ITGB8: variants seen among roughly 807,000 people sequenced by gnomAD.
ITGB8 encodes integrin subunit beta 8.
A neutral mutation model predicts 89.5 loss-of-function variants in ITGB8; 30 were observed. The observed-to-expected ratio is 0.34, with a 90% CI of 0.25 to 0.45. ITGB8 has a LOEUF of 0.45. ITGB8 is among the 20% of genes least tolerant of loss of function. The pLI, the probability that ITGB8 is intolerant of heterozygous loss-of-function variation, is 1.00. For missense variants in ITGB8, 836 were observed against 933.3 expected (o/e 0.90, Z 1.36); for synonymous variants, 335 against 320.4 (o/e 1.05, Z -0.49).
chr7:20,365,531 G>A (rs1785660839), intron 2 of ITGB8: 2 of 152,240 alleles, frequency 1.3e-5, no homozygotes, highest in Non-Finnish European at 2.9e-5. Context: ...ACAGTCTTGT[G>A]AGGATGAAAT....
At chr7:20,388,623 C>T (rs1315415919) in intron 6 of ITGB8, among the ~76,000 whole-genome samples, 4 of 151,836 alleles carry the variant, frequency 2.6e-5, no homozygotes, top group African/African-American at 7.3e-5. Flanking sequence ...CTTGAAAATT[C>T]GACTAATCTT....
In ITGB8 at chr7:20,331,848, C is replaced by T. The variant is rs1356635027; in HGVS notation, c.42C>T (p.Val14=). The stretch of plus-strand genomic sequence containing the variant: ...TGGCTTTTTTTACCGCTGCATTTGT[C>T]TGCCTGCAAAACGACCGGCGAGGTC... The part of the protein sequence containing the change: ...SALAFFTAAF[V]CLQNDRRGPA... Residue 14 remains valine, a synonymous_variant, in exon 1 of 14, where the codon GTC becomes GTT. Transcript: ENST00000222573. 1 of 1,613,730 alleles carries T rather than the reference C, an allele frequency of 6.2e-7. No individual in the cohort carries two copies. The highest frequency in any genetic ancestry group is 8.5e-7 in the Non-Finnish European group (1 of 1,180,046).
chr7:20,341,912 T>C (rs1784769957), intron 1 of ITGB8, among the ~76,000 whole-genome samples: 1 of 152,036 alleles, frequency 6.6e-6, no homozygotes, highest in Admixed American at 6.5e-5. Flanking sequence ...AAAGATGTGT[T>C]ACTTCTGACT....
chr7:20,398,295 T>C (rs1175978896), intron 8 of ITGB8, among the ~76,000 whole-genome samples: 1 of 152,240 alleles, frequency 6.6e-6, no homozygotes, highest in African/African-American at 2.4e-5. Flanking sequence ...GAGAGCCTTA[T>C]AGAACTATAT....
chr7:20,381,124 T>A (rs1786362559), intron 5 of ITGB8: 2 of 242,562 alleles, frequency 8.2e-6, no homozygotes, highest in African/African-American at 4.6e-5. Flanking sequence ...AAGGAGGAAC[T>A]AGAAGTAGAC....
chr7:20,413,076 TG>T lies in ITGB8; in HGVS notation c.*3083del, dbSNP rs201363739. 6.6e-6 allele frequency: 1 copy of T among 152,184 alleles called. No homozygotes were observed. Among genetic ancestry groups the T allele is most frequent in the East Asian group, 1.9e-4 (1 of 5,204 alleles). 9.4% of individuals were successfully genotyped at this position (152,184 alleles called of 1,614,324 possible). Reference sequence around the variant, plus strand: ...TGCTTTGTTATGCATTTTATTTCTCTGGGGACACCATTGCACTGCAGTGCAC... The same window carrying T: ...TGCTTTGTTATGCATTTTATTTCTCTGGGACACCATTGCACTGCAGTGCAC... On this transcript the variant is annotated 3_prime_UTR_variant, in exon 14 of 14. Transcript: ENST00000222573.
At chr7:20,394,087 A>C (rs1334778457) in intron 7 of ITGB8, among the ~76,000 whole-genome samples, 1 of 152,216 alleles carries the variant, frequency 6.6e-6, no homozygotes, top group East Asian at 1.9e-4. Flanking sequence ...TAAATGATAC[A>C]TTTTTCCTTA....
In ITGB8 at chr7:20,415,312, G is replaced by A. The variant is rs969671765; in HGVS notation, c.*5315G>A. 1.4e-4 allele frequency: 21 copies of A among 151,752 alleles called. No individual in the cohort carries two copies. The highest frequency in any genetic ancestry group is 5.1e-4 in the African/African-American group (21 of 41,476). The allele number at this position is 151,752 out of a possible 1,614,324, so 9.4% of individuals were successfully genotyped here. On this transcript the variant is annotated 3_prime_UTR_variant, in exon 14 of 14. Transcript: ENST00000222573. The stretch of plus-strand genomic sequence containing the variant: ...AATTAGAAATGTATTAAACTTATCA[G>A]TAACATAAAAACTTATTTTGTTTCA...
intron 12 of ITGB8, 116 bp from the exon 13 acceptor site, chr7:20,409,499 G>T (rs41273830): frequency 0.033 from 22,158 of 667,808 alleles, 677 homozygotes; most frequent in African/African-American, 0.13. Context: ...TTTGAAAATG[G>T]AGATTTGCAA....
At chr7:20,405,613 C>T (rs190818153) in intron 11 of ITGB8, among the ~76,000 whole-genome samples, 83 of 152,000 alleles carry the variant, frequency 5.5e-4, no homozygotes, top group African/African-American at 1.8e-3. Flanking sequence ...CCACTGCGCC[C>T]GGCCTTATTT....
At chr7:20,397,924 TTTC>T (rs1365595597) in intron 8 of ITGB8, among the ~76,000 whole-genome samples, 2 of 152,160 alleles carry the variant, frequency 1.3e-5, no homozygotes, top group East Asian at 3.8e-4. Context: ...GCTCACTCTC[TTTC>T]TTTAGGCACA....
chr7:20,335,648 C>T (rs1330567002), intron 1 of ITGB8, among the ~76,000 whole-genome samples: 4 of 152,128 alleles, frequency 2.6e-5, no homozygotes, highest in Non-Finnish European at 4.4e-5. Context: ...AAGAGTTGTC[C>T]GTAACTCCTC....
intron 12 of ITGB8, among the ~76,000 whole-genome samples, chr7:20,408,849 A>G (rs1195300210): frequency 6.6e-6 from 1 of 151,942 alleles, no homozygotes; most frequent in Non-Finnish European, 1.5e-5. Flanking sequence ...TTAACACAAC[A>G]TTTCTTTTTC....
intron 6 of ITGB8, among the ~76,000 whole-genome samples, chr7:20,388,243 G>T (rs1425228852): frequency 6.6e-6 from 1 of 151,958 alleles, no homozygotes; most frequent in Admixed American, 6.6e-5. Flanking sequence ...TCTCCCTTTT[G>T]CCCCTGAAGT....
At chr7:20,368,085 A>T (rs927867376) in intron 3 of ITGB8, among the ~76,000 whole-genome samples, 3 of 152,210 alleles carry the variant, frequency 2.0e-5, no homozygotes, top group East Asian at 1.9e-4. Context: ...GAACTGTGCT[A>T]TTTCTTCCAG....
rs1007726190 is a variant in ITGB8 at position 20,415,241 on chromosome 7, A to T, written c.*5244A>T. On this transcript the variant is annotated 3_prime_UTR_variant, in exon 14 of 14. Coordinates refer to ENST00000222573, the MANE Select transcript of ITGB8 (RefSeq NM_002214.3). ...GTATATTTAACATAGCTTTTAAACTATTTTACATTAGCTACTTCATTATGG... is the reference window on the plus strand; with the variant it reads ...GTATATTTAACATAGCTTTTAAACTTTTTTACATTAGCTACTTCATTATGG... 3.3e-5 allele frequency: 5 copies of T among 152,162 alleles called. No individual in the cohort carries two copies. Among genetic ancestry groups the T allele is most frequent in the African/African-American group, 1.2e-4 (5 of 41,454 alleles). The allele number at this position is 152,162 out of a possible 1,614,324, so 9.4% of individuals were successfully genotyped here.
At chr7:20,373,263 TTATAA>T (rs1352841501) in intron 3 of ITGB8, among the ~76,000 whole-genome samples, 19 of 152,296 alleles carry the variant, frequency 1.2e-4, no homozygotes, top group East Asian at 5.8e-4. Flanking sequence ...TTTTCACTTC[TTATAA>T]TATACTTTTT....
intron 7 of ITGB8, among the ~76,000 whole-genome samples, chr7:20,392,000 A>G (rs1786879059): frequency 6.6e-6 from 1 of 152,100 alleles, no homozygotes; most frequent in Non-Finnish European, 1.5e-5. Context: ...GAGCCAGTCA[A>G]AGCCTTCACA....
chr7:20,389,815 C>G (rs986055800), intron 6 of ITGB8, among the ~76,000 whole-genome samples: 1 of 145,176 alleles, frequency 6.9e-6, no homozygotes, highest in Non-Finnish European at 1.5e-5. Context: ...AAGAATTTAG[C>G]TGGCAGAATT....
Sources: allele counts gnomAD v4.1 joint callset (sites outside exome capture counted in the v4.1 genomes callset), GRCh38; gene constraint gnomAD v4.1.1; transcripts MANE v1.5; gene names NCBI Gene and HGNC (gene_info 2026-07-23, HGNC 2026-07-21).